The following KCNK1 variants were observed in gnomAD, a reference collection of about 807,000 sequenced individuals.
KCNK1 encodes the protein potassium two pore domain channel subfamily K member 1.
A neutral mutation model predicts 22.2 loss-of-function variants in KCNK1; 10 were observed. That is an observed-to-expected ratio of 0.45 (90% CI 0.28 to 0.76). The LOEUF (loss-of-function observed/expected upper bound fraction) is 0.76. Among genes scored for constraint, KCNK1 ranks in the 30% least tolerant of loss-of-function variants. The pLI is 0.14. For synonymous variants in KCNK1, 200 were observed against 186.4 expected, an observed-to-expected ratio of 1.07 and a Z score of -0.60; for missense variants, 378 against 421.0, an observed-to-expected ratio of 0.90 and a Z score of 0.89.
At chr1:233,617,493 C>A (rs1657505740) in intron 1 of KCNK1, among the ~76,000 whole-genome samples, 1 of 152,184 alleles carries the variant, frequency 6.6e-6, no homozygotes, top group Non-Finnish European at 1.5e-5. Flanking sequence ...GATAAAAGCA[C>A]ACACATTTAG....
intron 1 of KCNK1, among the ~76,000 whole-genome samples, chr1:233,648,655 C>G (rs188328982): frequency 2.6e-5 from 4 of 152,142 alleles, no homozygotes; most frequent in African/African-American, 9.6e-5. Flanking sequence ...CAACCTCCAC[C>G]TCCTAGGTTC....
At chr1:233,634,074 G>A (rs568233331) in intron 1 of KCNK1, among the ~76,000 whole-genome samples, 7 of 152,154 alleles carry the variant, frequency 4.6e-5, no homozygotes, top group South Asian at 4.2e-4. Context: ...TTGGGAGGCC[G>A]AGGCGGGCGA....
At chr1:233,665,635 C>G (rs372987715) in intron 1 of KCNK1, among the ~76,000 whole-genome samples, 1 of 146,188 alleles carries the variant, frequency 6.8e-6, no homozygotes, top group African/African-American at 2.5e-5. Flanking sequence ...ATCCCCTGGT[C>G]GGGGCCAGGC....
At chr1:233,658,686 G>A (rs1157111084) in intron 1 of KCNK1, among the ~76,000 whole-genome samples, 2 of 152,168 alleles carry the variant, frequency 1.3e-5, no homozygotes, top group Admixed American at 6.5e-5. Context: ...TATTGCTCTA[G>A]GTTACAAACT....
intron 1 of KCNK1, among the ~76,000 whole-genome samples, chr1:233,642,373 A>G (rs1264783387): frequency 6.6e-6 from 1 of 152,198 alleles, no homozygotes; most frequent in East Asian, 1.9e-4. Flanking sequence ...TGAGAAAAGG[A>G]ACTGTGTAGC....
Position 233,614,183 on chromosome 1 carries a change from C to T in KCNK1, c.12C>T (p.Ser4=). The change falls in exon 1 of 3, where the codon TCC becomes TCT. Residue 4 remains serine (S), a synonymous_variant. Transcript: ENST00000366621. ...CGGCGGTGGAGAAGATGCTGCAGTC[C>T]CTGGCCGGCAGCTCGTGCGTGCGCC... is the stretch of plus-strand genomic sequence containing the variant. The part of the protein sequence containing the change: MLQ[S]LAGSSCVRLV... 1.9e-6 allele frequency: 3 copies of T among 1,603,542 alleles called. No homozygotes were observed. Among genetic ancestry groups the T allele is most frequent in the Non-Finnish European group, 2.5e-6 (3 of 1,178,822 alleles).
chr1:233,621,389 T>C (rs886102774), intron 1 of KCNK1, among the ~76,000 whole-genome samples: 4 of 152,192 alleles, frequency 2.6e-5, no homozygotes, highest in African/African-American at 9.7e-5. Flanking sequence ...AGCAAACTAA[T>C]ATAGAGGTAC....
Position 233,640,713 on chromosome 1 carries a change from T to C in KCNK1, c.356-25882T>C, listed in dbSNP as rs184176539. 2.6e-3 allele frequency among the ~76,000 whole-genome samples: 383 copies of C among 148,198 alleles called. 3 individuals carry two copies. Among genetic ancestry groups the C allele is most frequent in the African/African-American group, 9.8e-3 (370 of 37,776 alleles). On this transcript the variant is annotated intron_variant, in intron 1 of 2. Transcript: ENST00000366621. ...TGCTATGGTTCTGCTTTTCTCTCTC[T>C]CTTTCTTTTTTAGACAGGGTCTCGT...
At chr1:233,616,762 A>AT (rs1657493831) in intron 1 of KCNK1, among the ~76,000 whole-genome samples, 1 of 152,326 alleles carries the variant, frequency 6.6e-6, no homozygotes, top group African/African-American at 2.4e-5. Context: ...CCATTATTTG[A>AT]TTCATTTGAT....
At chr1:233,662,579 A>C (rs1436371895) in intron 1 of KCNK1, among the ~76,000 whole-genome samples, 1 of 152,192 alleles carries the variant, frequency 6.6e-6, no homozygotes, top group Non-Finnish European at 1.5e-5. Context: ...ATAGCCCCTG[A>C]TTGGATATTA....
At chr1:233,622,804 A>G (rs1657614836) in intron 1 of KCNK1, among the ~76,000 whole-genome samples, 1 of 152,172 alleles carries the variant, frequency 6.6e-6, no homozygotes, top group Non-Finnish European at 1.5e-5. Context: ...GCTGATTGTT[A>G]TATTGATGAG....
At chr1:233,666,021 C>T (rs867632534) in intron 1 of KCNK1, among the ~76,000 whole-genome samples, 4 of 152,144 alleles carry the variant, frequency 2.6e-5, no homozygotes, top group African/African-American at 7.2e-5. Context: ...ATTTTTCTTC[C>T]GCTTTTTGAT....
chr1:233,659,860 A>T (rs1352441475), intron 1 of KCNK1, among the ~76,000 whole-genome samples: 1 of 152,240 alleles, frequency 6.6e-6, no homozygotes, highest in Non-Finnish European at 1.5e-5. Flanking sequence ...AACAAACATG[A>T]GAAGTCCAGA....
At chr1:233,662,942 A>G (rs959421562) in intron 1 of KCNK1, among the ~76,000 whole-genome samples, 1 of 152,212 alleles carries the variant, frequency 6.6e-6, no homozygotes, top group Admixed American at 6.5e-5. Flanking sequence ...GTGGTTTGTA[A>G]TGGAGTTAAA....
intron 1 of KCNK1, among the ~76,000 whole-genome samples, chr1:233,661,127 G>A (rs929743659): frequency 5.9e-5 from 9 of 152,158 alleles, no homozygotes; most frequent in African/African-American, 1.9e-4. Flanking sequence ...TTTTGAGCCC[G>A]TTTCCCTCCT....
intron 1 of KCNK1, among the ~76,000 whole-genome samples, chr1:233,652,859 C>T (rs1000567617): frequency 1.3e-5 from 2 of 152,184 alleles, no homozygotes; most frequent in Non-Finnish European, 2.9e-5. Flanking sequence ...TCTGGTCACA[C>T]ACTCCTTCTG....
intron 1 of KCNK1, among the ~76,000 whole-genome samples, chr1:233,628,760 A>AATAATAATAATAATAATAATAATAAT (rs1657738099): frequency 6.7e-6 from 1 of 148,728 alleles, no homozygotes; most frequent in Non-Finnish European, 1.5e-5. Flanking sequence ...ACTCTGTCTC[A>AATAATAATAATAATAATAATAATAAT]AATAATAATA....
intron 1 of KCNK1, among the ~76,000 whole-genome samples, chr1:233,634,318 C>CAAA (rs57277108): frequency 2.1e-5 from 3 of 140,478 alleles, no homozygotes; most frequent in Non-Finnish European, 3.1e-5. Context: ...ACAACAACAA[C>CAAA]AAAAAAAAAA....
chr1:233,659,395 G>A (rs891993505), intron 1 of KCNK1, among the ~76,000 whole-genome samples: 2 of 146,654 alleles, frequency 1.4e-5, no homozygotes, highest in Non-Finnish European at 3.0e-5. Context: ...TCCTGAAGCT[G>A]GTTTACATTT....
Sources: gnomAD v4.1 joint callset for allele counts (sites outside exome capture counted in the v4.1 genomes callset) on GRCh38, gnomAD v4.1.1 for gene constraint, MANE v1.5 for transcripts, NCBI Gene and HGNC (gene_info 2026-07-23, HGNC 2026-07-21) for gene names.